Variants in DTHD1 observed in about 807,000 individuals in gnomAD.
DTHD1 encodes death domain containing 1, also known as death domain-containing protein 1.
Under a neutral mutation model 74.8 loss-of-function variants are expected in DTHD1, and 59 were observed. The observed-to-expected ratio is 0.79, with a 90% CI of 0.64 to 0.98. DTHD1 has a LOEUF of 0.98. DTHD1 is among the 50% of genes least tolerant of loss of function. The probability of loss-of-function intolerance (pLI) is 0.00; values close to 1 mark genes in which losing one functional copy is unlikely to be tolerated. For missense variants in DTHD1, 1,051 were observed against 1,065.4 expected (o/e 0.99, Z 0.19); for synonymous variants, 365 against 371.1 (o/e 0.98, Z 0.19).
At position 36,345,370 on chromosome 4, in the gene DTHD1, C is replaced by A. The variant is rs1304724492; in HGVS notation, c.*1546C>A. On this transcript the variant is annotated 3_prime_UTR_variant, in exon 10 of 10. Coordinates refer to ENST00000639862, the MANE Select transcript of DTHD1 (RefSeq NM_001170700.3). ...TAAATGGGACATTGAACTAGTTTCA[C>A]TGACTCATTAATGCAAAAACCATTA... 6.6e-6 allele frequency: 1 copy of A among 152,296 alleles called. No individual in the cohort carries two copies. Among genetic ancestry groups the A allele is most frequent in the Non-Finnish European group, 1.5e-5 (1 of 68,016 alleles). The allele number at this position is 152,296 out of a possible 1,614,324, so 9.4% of individuals were successfully genotyped here.
intron 8 of DTHD1, among the ~76,000 whole-genome samples, chr4:36,330,128 A>T (rs1011663352): frequency 6.6e-6 from 1 of 152,190 alleles, no homozygotes; most frequent in Admixed American, 6.5e-5. Flanking sequence ...GCTTACTTTT[A>T]AAAGGAGGAG....
chr4:36,290,856 C>A (rs1756036689), intron 3 of DTHD1, among the ~76,000 whole-genome samples, 153 bp downstream of exon 3: 2 of 152,164 alleles, frequency 1.3e-5, no homozygotes, highest in South Asian at 4.1e-4. Context: ...AGTTTATTGC[C>A]ATCCATAAAG....
At chr4:36,322,860 A>G (rs955583949) in intron 8 of DTHD1, among the ~76,000 whole-genome samples, 2 of 152,224 alleles carry the variant, frequency 1.3e-5, no homozygotes, top group African/African-American at 4.8e-5. Context: ...TGGCAGAAAC[A>G]AGGCAAGTTT....
intron 5 of DTHD1, among the ~76,000 whole-genome samples, chr4:36,296,754 C>T (rs1756423129): frequency 4.6e-5 from 7 of 151,992 alleles, no homozygotes; most frequent in Admixed American, 4.6e-4. Flanking sequence ...CTATAATTAA[C>T]ATTTCTAAAA....
chr4:36,317,610 A>G (rs1757806937), intron 8 of DTHD1, among the ~76,000 whole-genome samples: 1 of 152,224 alleles, frequency 6.6e-6, no homozygotes, highest in Non-Finnish European at 1.5e-5. Flanking sequence ...TTAATAGAAT[A>G]TTTTAAACTA....
intron 2 of DTHD1, among the ~76,000 whole-genome samples, chr4:36,285,884 A>AGCAT (rs1288158899): frequency 6.6e-6 from 1 of 152,142 alleles, no homozygotes; most frequent in Non-Finnish European, 1.5e-5. Context: ...TAGTCTATTC[A>AGCAT]TTTATTTTAG....
At chr4:36,308,927 T>A (rs1424874453) in intron 7 of DTHD1, among the ~76,000 whole-genome samples, 1 of 152,242 alleles carries the variant, frequency 6.6e-6, no homozygotes, top group Non-Finnish European at 1.5e-5. Flanking sequence ...CTATTCTATC[T>A]AAAATAATAT....
At chr4:36,300,669 T>C (rs996279350) in intron 5 of DTHD1, among the ~76,000 whole-genome samples, 3 of 152,252 alleles carry the variant, frequency 2.0e-5, no homozygotes, top group Admixed American at 6.5e-5. Context: ...AATTCTGGAA[T>C]TTGTGTATTA....
chr4:36,308,592 G>C (rs1757198711), intron 7 of DTHD1, 99 bp downstream of exon 7: 2 of 959,334 alleles, frequency 2.1e-6, no homozygotes, highest in Non-Finnish European at 3.0e-6. Flanking sequence ...AACCTTCAGA[G>C]GATTGACGAG....
At chr4:36,300,468 GC>G (rs1389086691) in intron 5 of DTHD1, among the ~76,000 whole-genome samples, 3 of 152,124 alleles carry the variant, frequency 2.0e-5, no homozygotes, top group Non-Finnish European at 2.9e-5. Flanking sequence ...CCTCATTCCT[GC>G]CTGGTTGCTC....
intron 3 of DTHD1, among the ~76,000 whole-genome samples, chr4:36,293,138 C>T (rs1157039949): frequency 6.6e-6 from 1 of 152,052 alleles, no homozygotes; most frequent in African/African-American, 2.4e-5. Context: ...CTTAGGATTC[C>T]CTAGAACAGT....
intron 6 of DTHD1, among the ~76,000 whole-genome samples, chr4:36,306,748 A>G (rs1757078342): frequency 6.6e-6 from 1 of 152,244 alleles, no homozygotes; most frequent in South Asian, 2.1e-4. Context: ...TTTTCTAGAC[A>G]GCCCATTATG....
intron 8 of DTHD1, among the ~76,000 whole-genome samples, chr4:36,322,873 A>G (rs987395452): frequency 6.6e-6 from 1 of 152,248 alleles, no homozygotes; most frequent in Non-Finnish European, 1.5e-5. Flanking sequence ...GCAAGTTTCA[A>G]AAAACTCTCA....
chr4:36,290,883 G>A (rs1398131811), intron 3 of DTHD1, among the ~76,000 whole-genome samples, 180 bp downstream of exon 3: 3 of 152,182 alleles, frequency 2.0e-5, no homozygotes, highest in African/African-American at 7.2e-5. Flanking sequence ...GGATGGAAAT[G>A]ATTAGCCAAA....
intron 8 of DTHD1, among the ~76,000 whole-genome samples, chr4:36,328,416 A>T (rs982240338): frequency 6.6e-6 from 1 of 152,218 alleles, no homozygotes; most frequent in African/African-American, 2.4e-5. Context: ...ACAGCAGATT[A>T]TTGGTGGATG....
rs1435649597 is a variant in DTHD1, at chr4:36,345,361, C to T, written c.*1537C>T. On this transcript the variant is annotated 3_prime_UTR_variant, in exon 10 of 10. Transcript: ENST00000639862. ...AGTTGGATATAAATGGGACATTGAA[C>T]TAGTTTCACTGACTCATTAATGCAA... 1.3e-5 allele frequency: 2 copies of T among 152,146 alleles called. No homozygotes were observed. The highest frequency in any genetic ancestry group is 2.9e-5 in the Non-Finnish European group (2 of 68,026). 9.4% of individuals were successfully genotyped at this position (152,146 alleles called of 1,614,324 possible).
chr4:36,316,064 T>A (rs1757701279), intron 7 of DTHD1, among the ~76,000 whole-genome samples, 178 bp from the exon 8 acceptor site: 1 of 152,096 alleles, frequency 6.6e-6, no homozygotes, highest in South Asian at 2.1e-4. Context: ...GCCTCCCGAG[T>A]AGCTGGGAGT....
intron 6 of DTHD1, among the ~76,000 whole-genome samples, chr4:36,306,711 C>A (rs1264122223): frequency 6.6e-6 from 1 of 152,154 alleles, no homozygotes; most frequent in Admixed American, 6.5e-5. Context: ...TACTTCAGTG[C>A]CCTCATTTTG....
chr4:36,297,236 T>C (rs1216184480), intron 5 of DTHD1, among the ~76,000 whole-genome samples: 1 of 152,174 alleles, frequency 6.6e-6, no homozygotes, highest in Admixed American at 6.5e-5. Flanking sequence ...AATTCAAACC[T>C]ATGTTGTTCA....
Sources: gnomAD v4.1 joint callset for allele counts (sites outside exome capture counted in the v4.1 genomes callset) on GRCh38, gnomAD v4.1.1 for gene constraint, MANE v1.5 for transcripts, NCBI Gene and HGNC (gene_info 2026-07-23, HGNC 2026-07-21) for gene names.